The following PIK3C2A variants were observed in gnomAD, a reference collection of about 807,000 sequenced individuals.
The protein encoded by PIK3C2A is phosphatidylinositol-4-phosphate 3-kinase catalytic subunit type 2 alpha, also known as phosphatidylinositol 4-phosphate 3-kinase C2 domain-containing subunit alpha.
Under a neutral mutation model 204.5 loss-of-function variants are expected in PIK3C2A, and 97 were observed. That is an observed-to-expected ratio of 0.47 (90% CI 0.40 to 0.56). PIK3C2A has a LOEUF of 0.56. PIK3C2A is among the 20% of genes least tolerant of loss of function. The pLI is 0.00. For missense variants in PIK3C2A, 1,735 were observed against 1,969.2 expected (o/e 0.88, Z 2.25); for synonymous variants, 653 against 664.4 (o/e 0.98, Z 0.26).
At position 17,118,703 on chromosome 11, in the gene PIK3C2A, C is replaced by T. The variant is rs774794878; in HGVS notation, c.2977G>A (p.Val993Met). The change falls in exon 18 of 33, where the codon GTG becomes ATG. Residue 993 changes from valine (V) to methionine (M), a missense_variant. Val to Met is a conservative substitution (Grantham distance 21, BLOSUM62 1). Coordinates refer to ENST00000691414, the MANE Select transcript of PIK3C2A (RefSeq NM_002645.4). The part of the protein sequence containing the change: ...KYEIYLNSSL[V>M]QFLLSRALGN... ...AATGCCCTGGACAAAAGGAATTGCA[C>T]TAATGAACTATTCAAGTAAATTTCA... 6.4e-7 allele frequency: 1 copy of T among 1,564,950 alleles called. No individual in the cohort carries two copies. Among genetic ancestry groups the T allele is most frequent in the Non-Finnish European group, 8.8e-7 (1 of 1,137,338 alleles).
intron 27 of PIK3C2A, among the ~76,000 whole-genome samples, chr11:17,096,092 G>A (rs1424595013): frequency 7.3e-5 from 11 of 151,062 alleles, no homozygotes; most frequent in South Asian, 4.2e-4. Flanking sequence ...AGCCTGGAGC[G>A]CAATGGCACA....
intron 4 of PIK3C2A, among the ~76,000 whole-genome samples, chr11:17,149,477 C>A (rs1850358921): frequency 6.6e-6 from 1 of 152,112 alleles, no homozygotes; most frequent in Admixed American, 6.6e-5. Flanking sequence ...TGGAAACAAT[C>A]CCCCACAGAT....
chr11:17,200,502 TA>T (rs1852328563), intron 1 of PIK3C2A, among the ~76,000 whole-genome samples: 1 of 152,184 alleles, frequency 6.6e-6, no homozygotes, highest in African/African-American at 2.4e-5. Context: ...CTCAAAAGGC[TA>T]TATACACTGT....
rs35485246 is a variant in PIK3C2A at position 17,117,708 on chromosome 11, GTTTTTTTTTTT to G, written c.3036-48_3036-38del. On this transcript the variant is annotated intron_variant, in intron 18 of 32. Transcript: ENST00000691414. ...AAATATTTATGTTAGTCACGTCTTG[GTTTTTTTTTTT>G]TTTTTTTTTTTTTGAGACGGAGCCT... is the stretch of plus-strand genomic sequence containing the variant. The G allele has an allele frequency of 2.1e-4, 66 of 319,488 alleles. 1 individual carries two copies. Among genetic ancestry groups the G allele is most frequent in the Non-Finnish European group, 3.1e-4 (60 of 196,400 alleles). The allele number at this position is 319,488 out of a possible 1,614,324, so 19.8% of individuals were successfully genotyped here.
Position 17,094,354 on chromosome 11 carries a change from T to C in PIK3C2A, c.4358A>G (p.Gln1453Arg). 1.2e-6 allele frequency: 2 copies of C among 1,609,424 alleles called. No homozygotes were observed. Among genetic ancestry groups the C allele is most frequent in the Non-Finnish European group, 1.7e-6 (2 of 1,176,260 alleles). ...TCGGAAGACAAATGATGGTTCAATC[T>C]GTCCTTCCCTCAAAATTCGGACTAC... ...IYVVRILREG[Q>R]IEPSFVFRTF... Residue 1453 changes from glutamine to arginine, a missense_variant, in exon 28 of 33, where the codon CAG (glutamine) becomes CGG (arginine). Transcript: ENST00000691414.
intron 24 of PIK3C2A, among the ~76,000 whole-genome samples, chr11:17,102,361 C>T (rs1028466915): frequency 2.0e-4 from 31 of 151,756 alleles, no homozygotes; most frequent in Admixed American, 3.9e-4. Flanking sequence ...GGCGTGAACC[C>T]GGGAGGCGGA....
At chr11:17,175,355 A>AG (rs2137506829) in intron 1 of PIK3C2A, among the ~76,000 whole-genome samples, 1 of 152,294 alleles carries the variant, frequency 6.6e-6, no homozygotes, top group Non-Finnish European at 1.5e-5. Context: ...GTTTTCCAAG[A>AG]GGTTATCATG....
At chr11:17,114,515 A>AT (rs770760847) in intron 19 of PIK3C2A, 50 bp from the exon 20 acceptor site, 2 of 852,140 alleles carry the variant, frequency 2.3e-6, no homozygotes, top group African/African-American at 3.3e-5. Flanking sequence ...ATGAAGATCT[A>AT]TTTTTCAGAC....
intron 1 of PIK3C2A, among the ~76,000 whole-genome samples, chr11:17,197,727 C>A (rs966696017): frequency 1.3e-5 from 2 of 152,172 alleles, no homozygotes; most frequent in African/African-American, 4.8e-5. Flanking sequence ...GAACTTTGAT[C>A]TACTTCATTG....
intron 12 of PIK3C2A, among the ~76,000 whole-genome samples, chr11:17,131,611 CG>C (rs1849697330): frequency 6.6e-6 from 1 of 151,844 alleles, no homozygotes; most frequent in Non-Finnish European, 1.5e-5. Context: ...TTAGTAGAGA[CG>C]GGGTTTCACC....
rs1359708765 is a variant in PIK3C2A, at chr11:17,123,336, C to CT, written c.2400-524dup. On this transcript the variant is annotated intron_variant, in intron 13 of 32. Transcript: ENST00000691414. ...AACTATGGCTAAGTGCAGCCTTGAC[C>CT]TCCCTGGGCTCAGATGATTGTTCCA... is the stretch of plus-strand genomic sequence containing the variant. Among the ~76,000 whole-genome samples, 3 of 152,110 alleles carry CT rather than the reference C, an allele frequency of 2.0e-5. No homozygotes were observed. The East Asian group carries it at 5.8e-4, about 29-fold the overall frequency.
chr11:17,165,268 G>A (rs547693189), intron 2 of PIK3C2A, among the ~76,000 whole-genome samples: 5 of 152,216 alleles, frequency 3.3e-5, no homozygotes, highest in Admixed American at 6.5e-5. Context: ...GGTCCAAGGG[G>A]GAAAGTTTTG....
chr11:17,181,603 A>AATATATATATATATAT (rs148434889), intron 1 of PIK3C2A, among the ~76,000 whole-genome samples: 1 of 101,600 alleles, frequency 9.8e-6, no homozygotes, highest in Non-Finnish European at 1.8e-5. Context: ...CCCATTTTTA[A>AATATATATATATATAT]ATATATATAT....
chr11:17,194,143 C>A, intron 1 of PIK3C2A: 1 of 750,836 alleles, frequency 1.3e-6, no homozygotes, highest in Non-Finnish European at 1.8e-6. Context: ...ACATTGCCCA[C>A]CCCAAGCTTG....
intron 11 of PIK3C2A, among the ~76,000 whole-genome samples, chr11:17,132,684 A>G (rs753612777): frequency 2.6e-5 from 4 of 152,348 alleles, no homozygotes; most frequent in Admixed American, 6.5e-5. Context: ...TAGTTGAACA[A>G]CACTGAATAA....
intron 4 of PIK3C2A, among the ~76,000 whole-genome samples, chr11:17,149,279 T>TA (rs914747455): frequency 1.5e-4 from 23 of 152,022 alleles, no homozygotes; most frequent in Admixed American, 2.0e-4. Context: ...TTTGATACTT[T>TA]AAAAAAAATC....
intron 1 of PIK3C2A, among the ~76,000 whole-genome samples, chr11:17,192,608 A>G (rs1018972004): frequency 2.6e-5 from 4 of 152,126 alleles, no homozygotes; most frequent in African/African-American, 9.7e-5. Context: ...TACCACAACC[A>G]GCTAAATGTT....
chr11:17,179,024 CCCG>C (rs1435937436), intron 1 of PIK3C2A, among the ~76,000 whole-genome samples: 7 of 151,258 alleles, frequency 4.6e-5, no homozygotes, highest in East Asian at 1.9e-4. Flanking sequence ...CCACCGCGCC[CCCG>C]CTGATTTTTG....
At position 17,147,574 on chromosome 11, in the gene PIK3C2A, T is replaced by A; in HGVS notation, c.1503A>T (p.Thr501=). Reference sequence around the variant, plus strand: ...AGGTCAAGAGTTGTAGTCTAATTTCTGTGTCCCATTTTCGACAGTTTTGAA... The same window carrying A: ...AGGTCAAGAGTTGTAGTCTAATTTCAGTGTCCCATTTTCGACAGTTTTGAA... ...EHIQNCRKWD[T]EIRLQLLTFS... is the part of the protein sequence containing the mutation. The change falls in exon 6 of 33, where the codon ACA becomes ACT. Residue 501 remains threonine (T), a synonymous_variant. Coordinates refer to ENST00000691414, the MANE Select transcript of PIK3C2A (RefSeq NM_002645.4). The A allele has an allele frequency of 6.2e-7, 1 of 1,613,050 alleles. No individual in the cohort carries two copies. Among genetic ancestry groups the A allele is most frequent in the Non-Finnish European group, 8.5e-7 (1 of 1,179,036 alleles).
Sources: allele counts gnomAD v4.1 joint callset (sites outside exome capture counted in the v4.1 genomes callset), GRCh38; gene constraint gnomAD v4.1.1; transcripts MANE v1.5; gene names NCBI Gene and HGNC (gene_info 2026-07-23, HGNC 2026-07-21).